Variants in AKIRIN2 observed in about 807,000 individuals in gnomAD.
The protein encoded by AKIRIN2 is akirin-2.
Under a neutral mutation model 29.3 loss-of-function variants are expected in AKIRIN2, and 6 were observed. The observed-to-expected ratio is 0.20, with a 90% CI of 0.11 to 0.40. AKIRIN2 has a LOEUF of 0.40. Ranked by LOEUF, AKIRIN2 falls within the 10% of genes least tolerant of loss-of-function variation. The pLI is 1.00. For synonymous variants in AKIRIN2, 128 were observed against 117.5 expected (o/e 1.09, Z -0.58); for missense variants, 210 against 276.1 (o/e 0.76, Z 1.70).
chr6:87,676,974 G>A (rs143088097), intron 3 of AKIRIN2, among the ~76,000 whole-genome samples: 1 of 151,746 alleles, frequency 6.6e-6, no homozygotes, highest in Non-Finnish European at 1.5e-5. Context: ...CTACACAGGA[G>A]GCTGAGGCAG....
At chr6:87,676,628 A>C (rs867460860) in intron 3 of AKIRIN2, among the ~76,000 whole-genome samples, 4,595 of 99,896 alleles carry the variant, frequency 0.046, 250 homozygotes, top group African/African-American at 0.18. Context: ...CACACACACA[A>C]ACATAGCTGG....
At chr6:87,684,309 T>A (rs1293528563) in intron 1 of AKIRIN2, among the ~76,000 whole-genome samples, 1 of 152,186 alleles carries the variant, frequency 6.6e-6, no homozygotes, top group Non-Finnish European at 1.5e-5. Context: ...GTAAAACTTT[T>A]AAAAATTTTA....
At chr6:87,701,352 C>G (rs1771460876) in intron 1 of AKIRIN2, 98 bp downstream of exon 1, 2 of 1,293,592 alleles carry the variant, frequency 1.5e-6, no homozygotes, top group Non-Finnish European at 2.0e-6. Flanking sequence ...AAGAACCACA[C>G]AGTCCGGCAC....
At chr6:87,701,369 C>A in intron 1 of AKIRIN2, 81 bp downstream of exon 1, 1 of 1,414,000 alleles carries the variant, frequency 7.1e-7, no homozygotes, top group East Asian at 2.8e-5. Context: ...GCACCCCCAC[C>A]CCAGGGGCCG....
rs1770951203 is a variant in AKIRIN2 at position 87,675,388 on chromosome 6, C to G, written c.*209G>C. 3 of 616,064 alleles carry G rather than the reference C, an allele frequency of 4.9e-6. No individual in the cohort carries two copies. Among genetic ancestry groups the G allele is most frequent in the Non-Finnish European group, 8.7e-6 (3 of 344,680 alleles). 38.2% of individuals were successfully genotyped at this position (616,064 alleles called of 1,614,324 possible). A position where few individuals can be genotyped will look rare whatever the true frequency, so the allele number is the denominator to read the frequency against. The stretch of plus-strand genomic sequence containing the variant: ...CAAAATGAGGCCACTGGTATTAATA[C>G]AGGTAGCAAAGGTCCACATCCAGGT... On this transcript the variant is annotated 3_prime_UTR_variant, in exon 5 of 5. Transcript: ENST00000257787.
Position 87,675,240 on chromosome 6 carries a change from C to G in AKIRIN2, c.*357G>C, listed in dbSNP as rs535063754. 3.7e-6 allele frequency: 1 copy of G among 272,216 alleles called. No individual in the cohort carries two copies. The highest frequency in any genetic ancestry group is 7.1e-5 in the East Asian group (1 of 14,182). 16.9% of individuals were successfully genotyped at this position (272,216 alleles called of 1,614,324 possible). On this transcript the variant is annotated 3_prime_UTR_variant, in exon 5 of 5. Coordinates refer to ENST00000257787, the MANE Select transcript of AKIRIN2 (RefSeq NM_018064.4). ...GTTGTAGTGCACAATTAAAATCACA[C>G]TAACTTCATCTGAAGTGTCATTCTA...
chr6:87,692,491 A>C (rs1440526645), intron 1 of AKIRIN2, among the ~76,000 whole-genome samples: 1 of 152,180 alleles, frequency 6.6e-6, no homozygotes, highest in Non-Finnish European at 1.5e-5. Flanking sequence ...CACTTAATCA[A>C]AATTCTATTA....
chr6:87,690,383 A>G (rs1771260044), intron 1 of AKIRIN2, among the ~76,000 whole-genome samples: 1 of 152,148 alleles, frequency 6.6e-6, no homozygotes, highest in South Asian at 2.1e-4. Context: ...TGCCACCCTC[A>G]CCTGAATGGT....
Position 87,701,630 on chromosome 6 carries a change from G to A in AKIRIN2, c.55C>T (p.Pro19Ser). 2 of 1,462,988 alleles carry A rather than the reference G, an allele frequency of 1.4e-6. No homozygotes were observed. Among genetic ancestry groups the A allele is most frequent in the African/African-American group, 1.5e-5 (1 of 67,194 alleles). 90.6% of individuals were successfully genotyped at this position (1,462,988 alleles called of 1,614,324 possible). ...CATCGCCTGCGCTTCGGGGACGCCG[G>A]GCTCAACAGCGGGTCGAAATCCAGA... ...RTLDFDPLLS[P>S]ASPKRRRCAP... The change falls in exon 1 of 5, where the codon CCG (proline) becomes TCG (serine). Residue 19 changes from proline (P) to serine (S), a missense_variant. Physicochemically the swap from Pro to Ser is moderately conservative, Grantham distance 74. Coordinates refer to ENST00000257787, the MANE Select transcript of AKIRIN2 (RefSeq NM_018064.4).
chr6:87,689,795 C>T lies in AKIRIN2; in HGVS notation c.236-8032G>A, dbSNP rs77077844. Among the ~76,000 whole-genome samples, 12 of 152,324 alleles carry T rather than the reference C, an allele frequency of 7.9e-5. No homozygotes were observed. The East Asian group carries it at 2.1e-3, about 27-fold the overall frequency. Reference sequence around the variant, plus strand: ...CTGAAGGGTGGAGCTTAAGATTCTACGTTCCTTATGAGGTGATGCTGCCGG... The same window carrying T: ...CTGAAGGGTGGAGCTTAAGATTCTATGTTCCTTATGAGGTGATGCTGCCGG... On this transcript the variant is annotated intron_variant, in intron 1 of 4. Transcript: ENST00000257787.
intron 1 of AKIRIN2, among the ~76,000 whole-genome samples, chr6:87,697,949 ATG>A (rs1184724216): frequency 3.9e-5 from 6 of 152,206 alleles, no homozygotes; most frequent in Non-Finnish European, 8.8e-5. Context: ...AATGAAAACA[ATG>A]TGCTGGATTT....
At chr6:87,698,874 T>TA (rs1276537125) in intron 1 of AKIRIN2, among the ~76,000 whole-genome samples, 4 of 152,266 alleles carry the variant, frequency 2.6e-5, no homozygotes, top group Non-Finnish European at 5.9e-5. Context: ...CTGAAACTAA[T>TA]AAAGCCACAA....
chr6:87,677,728 C>T (rs2128300750), intron 3 of AKIRIN2, 90 bp downstream of exon 3: 1 of 1,420,674 alleles, frequency 7.0e-7, no homozygotes, highest in Middle Eastern at 2.3e-4. Context: ...TATACCGCAC[C>T]AGTGTATAGA....
intron 1 of AKIRIN2, among the ~76,000 whole-genome samples, chr6:87,690,603 T>C (rs1156288264): frequency 6.6e-6 from 1 of 152,214 alleles, no homozygotes; most frequent in Non-Finnish European, 1.5e-5. Context: ...GAAATTCATA[T>C]TCGTCATTAT....
rs1164164385 is a variant in AKIRIN2 at position 87,702,226 on chromosome 6, A to T, written c.-542T>A. 2.5e-6 allele frequency: 1 copy of T among 397,316 alleles called. No homozygotes were observed. The highest frequency in any genetic ancestry group is 3.6e-5 in the East Asian group (1 of 28,040). 24.6% of individuals were successfully genotyped at this position (397,316 alleles called of 1,614,324 possible). ...CGTCCAACCGCTTCCCCTCCCTCGT[A>T]GAACTCTCCCACCCGCCGCCGGCCC... On this transcript the variant is annotated 5_prime_UTR_variant, in exon 1 of 5. Coordinates refer to ENST00000257787, the MANE Select transcript of AKIRIN2 (RefSeq NM_018064.4).
chr6:87,691,925 G>A (rs138695741), intron 1 of AKIRIN2, among the ~76,000 whole-genome samples: 113 of 152,282 alleles, frequency 7.4e-4, no homozygotes, highest in African/African-American at 2.6e-3. Flanking sequence ...GATAGCTGGA[G>A]GAAAATGAGT....
At chr6:87,696,679 G>C (rs574290492) in intron 1 of AKIRIN2, among the ~76,000 whole-genome samples, 1,924 of 135,378 alleles carry the variant, frequency 0.014, 18 homozygotes, top group Admixed American at 0.021. Context: ...CCAGCCTGGG[G>C]GACAGAGTGA....
At chr6:87,701,222 C>A (rs1334693324) in intron 1 of AKIRIN2, among the ~76,000 whole-genome samples, 1 of 152,076 alleles carries the variant, frequency 6.6e-6, no homozygotes, top group Non-Finnish European at 1.5e-5. Flanking sequence ...AAGGCAAAGC[C>A]CCTACCCACC....
At chr6:87,690,076 GGT>G (rs531731018) in intron 1 of AKIRIN2, among the ~76,000 whole-genome samples, 49 of 152,168 alleles carry the variant, frequency 3.2e-4, no homozygotes, top group Admixed American at 3.2e-3. Context: ...AGCTGAGCAT[GGT>G]GGCAGGAGCC....
Sources: gnomAD v4.1 joint callset for allele counts (sites outside exome capture counted in the v4.1 genomes callset) on GRCh38, gnomAD v4.1.1 for gene constraint, MANE v1.5 for transcripts, NCBI Gene and HGNC (gene_info 2026-07-23, HGNC 2026-07-21) for gene names.